The following SLC25A40 variants were observed in gnomAD, a reference collection of about 807,000 sequenced individuals.
SLC25A40 encodes mitochondrial glutathione transporter SLC25A40.
SLC25A40 carries 41 observed loss-of-function variants against 46.5 expected under a neutral mutation model. That is an observed-to-expected ratio of 0.88 (90% CI 0.69 to 1.14). SLC25A40 has a LOEUF of 1.14. SLC25A40 is among the 50% of genes most tolerant of loss of function. SLC25A40 has a pLI of 0.00. For synonymous variants in SLC25A40, 126 were observed against 127.5 expected (o/e 0.99, Z 0.08); for missense variants, 386 against 393.6 (o/e 0.98, Z 0.16).
chr7:87,843,782 T>G lies in SLC25A40; in HGVS notation c.713A>C (p.Asn238Thr), dbSNP rs760450208. ...SGLYEPTFMI[N>T]FTSGALSGSF... ...ACCAGACAATGCCCCTGAAGTAAAGTTGATCATAAATGTTGGCTCATATAA... is the reference window on the plus strand; with the variant it reads ...ACCAGACAATGCCCCTGAAGTAAAGGTGATCATAAATGTTGGCTCATATAA... The change falls in exon 9 of 12, where the codon AAC becomes ACC. Residue 238 changes from asparagine to threonine, a missense_variant. By Grantham distance (65) the Asn-to-Thr change is moderately conservative. Coordinates refer to ENST00000341119, the MANE Select transcript of SLC25A40 (RefSeq NM_018843.4). The G allele has an allele frequency of 6.2e-7, 1 of 1,610,540 alleles. No homozygotes were observed. The highest frequency in any genetic ancestry group is 2.2e-5 in the East Asian group (1 of 44,660).
intron 10 of SLC25A40, among the ~76,000 whole-genome samples, chr7:87,840,593 A>G (rs1838317674): frequency 6.6e-6 from 1 of 151,728 alleles, no homozygotes; most frequent in Non-Finnish European, 1.5e-5. Flanking sequence ...GAGGGGAAAT[A>G]GAAATTCTGA....
intron 10 of SLC25A40, 122 bp downstream of exon 10, chr7:87,841,509 TAA>T (rs1838333946): frequency 5.6e-6 from 3 of 537,138 alleles, no homozygotes; most frequent in Non-Finnish European, 9.1e-6. Flanking sequence ...TTACTTTCAG[TAA>T]AATACACAAA....
chr7:87,846,175 A>G (rs1838415597), intron 8 of SLC25A40, among the ~76,000 whole-genome samples: 1 of 152,206 alleles, frequency 6.6e-6, no homozygotes, highest in Non-Finnish European at 1.5e-5. Context: ...TAAACAATAT[A>G]ATGTTTGGCA....
At chr7:87,850,047 T>G (rs1000377523) in intron 5 of SLC25A40, 99 bp from the exon 6 acceptor site, 3 of 745,572 alleles carry the variant, frequency 4.0e-6, no homozygotes, top group Non-Finnish European at 6.3e-6. Flanking sequence ...TTCAGGTATT[T>G]ATATCTAAAA....
At chr7:87,843,969 T>C in intron 8 of SLC25A40, 106 bp from the exon 9 acceptor site, 1 of 1,360,692 alleles carries the variant, frequency 7.3e-7, no homozygotes. Flanking sequence ...ATTCTAACCT[T>C]GACATACCTT....
At chr7:87,848,784 G>A (rs1584326885) in intron 6 of SLC25A40, among the ~76,000 whole-genome samples, 1 of 152,196 alleles carries the variant, frequency 6.6e-6, no homozygotes, top group South Asian at 2.1e-4. Flanking sequence ...CCATGTTTAT[G>A]ATGTAACTAA....
intron 3 of SLC25A40, among the ~76,000 whole-genome samples, chr7:87,857,269 C>T (rs1394692748): frequency 6.6e-6 from 1 of 152,176 alleles, no homozygotes; most frequent in African/African-American, 2.4e-5. Flanking sequence ...ATTCCATCTT[C>T]TTGCTTTCTA....
intron 1 of SLC25A40, among the ~76,000 whole-genome samples, chr7:87,872,662 A>G (rs2131026730): frequency 6.6e-6 from 1 of 152,320 alleles, no homozygotes; most frequent in African/African-American, 2.4e-5. Flanking sequence ...ATAAAGCAAG[A>G]TAAACAAATT....
intron 1 of SLC25A40, among the ~76,000 whole-genome samples, chr7:87,872,097 T>C (rs1295783684): frequency 6.6e-6 from 1 of 152,236 alleles, no homozygotes; most frequent in South Asian, 2.1e-4. Context: ...GCTATAAAGA[T>C]ATAAATTCTT....
intron 4 of SLC25A40, 51 bp downstream of exon 4, chr7:87,856,241 G>A: frequency 1.4e-6 from 2 of 1,403,000 alleles, no homozygotes; most frequent in Non-Finnish European, 2.0e-6. Flanking sequence ...AAAAACCACA[G>A]GAACATTTAA....
intron 9 of SLC25A40, chr7:87,842,020 G>A (rs773304488): frequency 5.9e-5 from 23 of 388,700 alleles, no homozygotes; most frequent in Non-Finnish European, 8.3e-5. Flanking sequence ...AATTTCTCAC[G>A]CTCCTTTGTG....
intron 9 of SLC25A40, among the ~76,000 whole-genome samples, chr7:87,843,481 A>C (rs1018887315): frequency 6.6e-6 from 1 of 152,114 alleles, no homozygotes; most frequent in Non-Finnish European, 1.5e-5. Flanking sequence ...TGCTCTAAAT[A>C]ATAAAGCTCT....
intron 4 of SLC25A40, 144 bp downstream of exon 4, chr7:87,856,148 C>A: frequency 1.5e-6 from 1 of 661,298 alleles, no homozygotes; most frequent in South Asian, 2.0e-5. Context: ...TCACGTACAA[C>A]TAAATGGTGA....
At chr7:87,869,402 C>T (rs1322566309) in intron 1 of SLC25A40, among the ~76,000 whole-genome samples, 1 of 151,926 alleles carries the variant, frequency 6.6e-6, no homozygotes, top group Non-Finnish European at 1.5e-5. Flanking sequence ...GTGGTGTGCA[C>T]CTCTAGTCCC....
chr7:87,841,167 A>G, intron 10 of SLC25A40, among the ~76,000 whole-genome samples: 1 of 147,672 alleles, frequency 6.8e-6, no homozygotes, highest in Admixed American at 6.8e-5. Context: ...GTGTATATAT[A>G]TATATATATA....
chr7:87,853,271 G>A (rs1838547492), intron 5 of SLC25A40, among the ~76,000 whole-genome samples: 2 of 152,154 alleles, frequency 1.3e-5, no homozygotes, highest in East Asian at 3.8e-4. Context: ...TAAAACCACA[G>A]TGAGATATCT....
rs61740453 is a variant in SLC25A40 at position 87,836,805 on chromosome 7, T to C, written c.829A>G (p.Met277Val). 3.0e-4 allele frequency: 445 copies of C among 1,500,258 alleles called. No individual in the cohort carries two copies. The African/African-American group carries it at 5.1e-3, about 17-fold the overall frequency. 92.9% of individuals were successfully genotyped at this position (1,500,258 alleles called of 1,614,324 possible). A position where few individuals can be genotyped will look rare whatever the true frequency, so the allele number is the denominator to read the frequency against. ...ATCCAGGTTGACATATGCAAAGGCA[T>C]AGAAACTAAATGTTAAAATAAAGAA... is the stretch of plus-strand genomic sequence containing the variant. Reference protein sequence around the residue: ...LWTYESHKISMPLHMSTWIIM... With the variant: ...LWTYESHKISVPLHMSTWIIM... The change falls in exon 11 of 12, where the codon ATG (methionine) becomes GTG (valine). Residue 277 changes from methionine (M) to valine (V), a missense_variant. Physicochemically the swap from Met to Val is conservative, Grantham distance 21. Transcript: ENST00000341119.
chr7:87,838,087 T>TG (rs1838282134), intron 10 of SLC25A40, among the ~76,000 whole-genome samples: 1 of 151,446 alleles, frequency 6.6e-6, no homozygotes, highest in Non-Finnish European at 1.5e-5. Context: ...CTAAGATAAA[T>TG]GAAGCCTTAT....
Position 87,847,009 on chromosome 7 carries a change from C to G in SLC25A40, c.571G>C (p.Gly191Arg). ...RFVSKKVSED[G>R]WISLWRGWAP... Reference sequence around the variant, plus strand: ...CAGCCCCTCCAAAGGGAAATCCAACCATCTTCAGATACTTTCTTGCTGACA... The same window carrying G: ...CAGCCCCTCCAAAGGGAAATCCAACGATCTTCAGATACTTTCTTGCTGACA... Residue 191 changes from glycine (G) to arginine (R), a missense_variant, in exon 8 of 12, where the codon GGT (glycine) becomes CGT (arginine). Transcript: ENST00000341119. 6.2e-7 allele frequency: 1 copy of G among 1,613,708 alleles called. No individual in the cohort carries two copies. The highest frequency in any genetic ancestry group is 8.5e-7 in the Non-Finnish European group (1 of 1,179,788).
Sources: allele counts gnomAD v4.1 joint callset (sites outside exome capture counted in the v4.1 genomes callset), GRCh38; gene constraint gnomAD v4.1.1; transcripts MANE v1.5; gene names NCBI Gene and HGNC (gene_info 2026-07-23, HGNC 2026-07-21).